The following PCDHA3 variants were observed in gnomAD, a reference collection of about 807,000 sequenced individuals.
The protein encoded by PCDHA3 is protocadherin alpha 3.
In PCDHA3, 41 loss-of-function variants were observed where a neutral mutation model predicts 62.2. The observed-to-expected ratio is 0.66, with a 90% confidence interval of 0.51 to 0.86. The LOEUF is 0.86. Ranked by LOEUF, PCDHA3 falls within the 40% of genes least tolerant of loss-of-function variation. The pLI, the probability that PCDHA3 is intolerant of heterozygous loss-of-function variation, is 0.00. For synonymous variants in PCDHA3, 640 were observed against 555.4 expected (o/e 1.15, Z -2.14); for missense variants, 1,304 against 1,241.2 (o/e 1.05, Z -0.76).
At chr5:140,840,223 T>A (rs1776612782) in intron 1 of PCDHA3, among the ~76,000 whole-genome samples, 1 of 151,924 alleles carries the variant, frequency 6.6e-6, no homozygotes, top group African/African-American at 2.4e-5. Flanking sequence ...TACATATGAG[T>A]AAATGTGGAG....
rs1554166675 is a variant in PCDHA3 at position 140,873,309 on chromosome 5, T to C, written c.2394+69718T>C. ...TGAAACTTTATAAATATAATAAAGG[T>C]GAATATTAGATAGGGCATACATTAC... On this transcript the variant is annotated intron_variant, in intron 1 of 3. Transcript: ENST00000522353. Among the ~76,000 whole-genome samples, 4 of 152,264 alleles carry C rather than the reference T, an allele frequency of 2.6e-5. No individual in the cohort carries two copies. The East Asian group carries it at 5.8e-4, about 22-fold the overall frequency.
intron 1 of PCDHA3, among the ~76,000 whole-genome samples, chr5:140,947,840 T>C (rs1554218335): frequency 6.6e-6 from 1 of 151,630 alleles, no homozygotes; most frequent in Non-Finnish European, 1.5e-5. Context: ...TAATATTTGT[T>C]TATTTATTTT....
intron 1 of PCDHA3, among the ~76,000 whole-genome samples, chr5:140,897,650 C>T (rs1293190913): frequency 3.3e-5 from 5 of 152,036 alleles, no homozygotes; most frequent in Non-Finnish European, 7.4e-5. Context: ...AATAAACATA[C>T]GTGTGCATGT....
rs1316774875 is a variant in PCDHA3 at position 140,883,076 on chromosome 5, G to T, written c.2394+79485G>T. The T allele has an allele frequency of 3.1e-6, 5 of 1,614,032 alleles. No homozygotes were observed. Among genetic ancestry groups the T allele is most frequent in the Middle Eastern group, 1.6e-4 (1 of 6,084 alleles). On this transcript the variant is annotated intron_variant, in intron 1 of 3. Transcript: ENST00000522353. ...GATCAAGCTAAATGCCACAGATCCT[G>T]ATGATGGTACAAATGGAGATATAGT...
At position 140,834,165 on chromosome 5, in the gene PCDHA3, C is replaced by CT. The variant is rs2150213929; in HGVS notation, c.2394+30576dup. 4.2e-4 allele frequency: 228 copies of CT among 543,158 alleles called. No individual in the cohort carries two copies. In the Middle Eastern group the frequency reaches 4.3e-3, roughly 10 times the overall value. 33.6% of individuals were successfully genotyped at this position (543,158 alleles called of 1,614,324 possible). On this transcript the variant is annotated intron_variant, in intron 1 of 3. Coordinates refer to ENST00000522353, the MANE Select transcript of PCDHA3 (RefSeq NM_018906.3). ...AGTTTGTAATGGTTTGTAATTCTTA[C>CT]TTACATGATGGCCACATGATGTCGC...
chr5:140,975,763 C>A (rs2096681691), intron 1 of PCDHA3, among the ~76,000 whole-genome samples: 1 of 152,140 alleles, frequency 6.6e-6, no homozygotes, highest in Non-Finnish European at 1.5e-5. Context: ...TGTCATAAAT[C>A]ACAGATAATA....
chr5:140,884,656 G>T (rs782439139), intron 1 of PCDHA3: 8 of 1,602,178 alleles, frequency 5.0e-6, no homozygotes, highest in Non-Finnish European at 6.8e-6. Flanking sequence ...CAGAATGCTT[G>T]AAAGAGGTAA....
At chr5:140,856,784 T>C in intron 1 of PCDHA3, 2 of 1,596,522 alleles carry the variant, frequency 1.3e-6, no homozygotes, top group Non-Finnish European at 1.7e-6. Flanking sequence ...CAGACCGGTT[T>C]ATGAAGTTAA....
intron 1 of PCDHA3, among the ~76,000 whole-genome samples, chr5:140,965,073 TCTGA>T (rs1372324599): frequency 1.3e-5 from 2 of 152,186 alleles, no homozygotes; most frequent in African/African-American, 4.8e-5. Context: ...CAGGTCTCAC[TCTGA>T]CTTTGTTCCA....
intron 3 of PCDHA3, among the ~76,000 whole-genome samples, chr5:141,000,842 G>A (rs2097967739): frequency 1.3e-5 from 2 of 151,954 alleles, no homozygotes; most frequent in Non-Finnish European, 2.9e-5. Flanking sequence ...AGGAGATCCA[G>A]TCTGGCAGTC....
chr5:140,805,179 C>T, intron 1 of PCDHA3: 2 of 1,497,758 alleles, frequency 1.3e-6, no homozygotes, highest in Non-Finnish European at 1.8e-6. Flanking sequence ...TGATGCTATG[C>T]CAAATAAATA....
intron 1 of PCDHA3, chr5:140,829,138 G>A: frequency 6.2e-7 from 1 of 1,613,472 alleles, no homozygotes; most frequent in Non-Finnish European, 8.5e-7. Context: ...ACGTCCCTGA[G>A]ATAGCACTGA....
chr5:140,934,587 T>C (rs1316719317), intron 1 of PCDHA3, among the ~76,000 whole-genome samples: 1 of 152,176 alleles, frequency 6.6e-6, no homozygotes, highest in Non-Finnish European at 1.5e-5. Flanking sequence ...ATTTCTGTAA[T>C]GGGTCTTCAA....
At chr5:140,918,928 C>A (rs2078929450) in intron 1 of PCDHA3, among the ~76,000 whole-genome samples, 1 of 152,172 alleles carries the variant, frequency 6.6e-6, no homozygotes, top group South Asian at 2.1e-4. Context: ...CAGCATATGG[C>A]ATTTTGTTAT....
rs2150361348 is a variant in PCDHA3, at chr5:140,843,506, G to T, written c.2394+39915G>T. 1.9e-6 allele frequency: 3 copies of T among 1,596,028 alleles called. No homozygotes were observed. The East Asian group carries it at 6.7e-5, about 36-fold the overall frequency. On this transcript the variant is annotated intron_variant, in intron 1 of 3. Coordinates refer to ENST00000522353, the MANE Select transcript of PCDHA3 (RefSeq NM_018906.3). ...GCTGCGGTGCTCAGCACTGCCCACT[G>T]AGGGCGGGTGCCGGGCGGGCAAGCC...
At chr5:140,966,405 A>G (rs562045428) in intron 1 of PCDHA3, 6 of 404,248 alleles carry the variant, frequency 1.5e-5, no homozygotes, top group African/African-American at 1.2e-4. Context: ...TCGGCGCGGA[A>G]TCAGAGCAGG....
chr5:140,843,362 AGGCAGTC>A, intron 1 of PCDHA3: 4 of 1,595,998 alleles, frequency 2.5e-6, no homozygotes, highest in Non-Finnish European at 3.4e-6. Context: ...AGCGTCATCG[AGGCAGTC>A]GGCTGGCGTT....
intron 1 of PCDHA3, chr5:140,966,586 T>C (rs1339521044): frequency 5.5e-6 from 3 of 548,910 alleles, no homozygotes; most frequent in Non-Finnish European, 8.8e-6. Flanking sequence ...GCGAGGACGG[T>C]GGGGCCAGGA....
intron 1 of PCDHA3, chr5:140,859,968 T>A (rs1262644180): frequency 6.6e-6 from 1 of 151,956 alleles, no homozygotes; most frequent in Non-Finnish European, 1.5e-5. Flanking sequence ...AAGTCTCAGG[T>A]ATACAAGTGC....
Sources: allele counts gnomAD v4.1 joint callset (sites outside exome capture counted in the v4.1 genomes callset), GRCh38; gene constraint gnomAD v4.1.1; transcripts MANE v1.5; gene names NCBI Gene and HGNC (gene_info 2026-07-23, HGNC 2026-07-21).